GUCY1A2: variants seen among roughly 807,000 people sequenced by gnomAD.
GUCY1A2 encodes the protein guanylate cyclase soluble subunit alpha-2.
A neutral mutation model predicts 63.5 loss-of-function variants in GUCY1A2; 27 were observed. The observed-to-expected ratio is 0.43, with a 90% CI of 0.31 to 0.59. The LOEUF (loss-of-function observed/expected upper bound fraction) is 0.59. Among genes scored for constraint, GUCY1A2 ranks in the 20% least tolerant of loss-of-function variants. The pLI is 0.11. For missense variants in GUCY1A2, 768 were observed against 913.3 expected, an observed-to-expected ratio of 0.84 and a Z score of 2.05; for synonymous variants, 364 against 343.5, an observed-to-expected ratio of 1.06 and a Z score of -0.66.
chr11:106,852,105 T>C (rs2135451239), intron 4 of GUCY1A2, among the ~76,000 whole-genome samples: 1 of 152,114 alleles, frequency 6.6e-6, no homozygotes, highest in South Asian at 2.1e-4. Flanking sequence ...TTTGTAGCTA[T>C]TGTAAATGGC....
intron 4 of GUCY1A2, among the ~76,000 whole-genome samples, chr11:106,930,430 T>C (rs1162259996): frequency 2.6e-5 from 4 of 152,214 alleles, no homozygotes; most frequent in Non-Finnish European, 5.9e-5. Context: ...CTTCAAGCCA[T>C]TCTACAGAGA....
At chr11:106,953,930 TGGTC>T (rs2120034684) in intron 3 of GUCY1A2, among the ~76,000 whole-genome samples, 1 of 152,234 alleles carries the variant, frequency 6.6e-6, no homozygotes, top group Admixed American at 6.5e-5. Flanking sequence ...GTCTAGCTAT[TGGTC>T]TATCTATTTT....
At chr11:106,697,184 T>C (rs10502075) in intron 7 of GUCY1A2, among the ~76,000 whole-genome samples, 14,184 of 152,288 alleles carry the variant, frequency 0.093, 895 homozygotes, top group Non-Finnish European at 0.14. Context: ...TCATGTTGGC[T>C]AATATCACAA....
intron 6 of GUCY1A2, among the ~76,000 whole-genome samples, chr11:106,746,242 G>A (rs1289372510): frequency 1.3e-5 from 2 of 151,992 alleles, no homozygotes; most frequent in African/African-American, 4.8e-5. Flanking sequence ...TTTTGGTTCT[G>A]CCATATATTA....
intron 1 of GUCY1A2, among the ~76,000 whole-genome samples, chr11:107,006,965 T>G (rs1306540462): frequency 6.6e-6 from 1 of 152,204 alleles, no homozygotes; most frequent in East Asian, 1.9e-4. Flanking sequence ...TCTACCTTTT[T>G]AAGAAGGAAA....
At chr11:106,902,925 C>G (rs561999952) in intron 4 of GUCY1A2, among the ~76,000 whole-genome samples, 45 of 152,230 alleles carry the variant, frequency 3.0e-4, no homozygotes, top group Non-Finnish European at 5.6e-4. Context: ...TTTTGGCACC[C>G]ATGGGAGGCC....
In GUCY1A2 at chr11:106,827,481, C is replaced by T. The variant is rs1270375920; in HGVS notation, c.1207-17003G>A. On this transcript the variant is annotated intron_variant, in intron 4 of 7. Transcript: ENST00000526355. ...CTTTAGTAAGCTGTTTCTGAAATTC[C>T]TGAGCACTGTCTGTATCACGGATTC... 3.4e-6 allele frequency: 5 copies of T among 1,468,498 alleles called. No individual in the cohort carries two copies. In the Admixed American group the frequency reaches 5.0e-5, roughly 15 times the overall value. 91.0% of individuals were successfully genotyped at this position (1,468,498 alleles called of 1,614,324 possible). A position where few individuals can be genotyped will look rare whatever the true frequency, so the allele number is the denominator to read the frequency against.
At chr11:106,845,754 G>A (rs774733216) in intron 4 of GUCY1A2, among the ~76,000 whole-genome samples, 5 of 151,482 alleles carry the variant, frequency 3.3e-5, no homozygotes, top group African/African-American at 4.8e-5. Context: ...TTGCCAACAC[G>A]AATACAATTG....
At chr11:106,994,857 T>C (rs1182682939) in intron 1 of GUCY1A2, among the ~76,000 whole-genome samples, 1 of 152,206 alleles carries the variant, frequency 6.6e-6, no homozygotes, top group Admixed American at 6.5e-5. Context: ...AATGAGATTG[T>C]TGTTTTCCCA....
intron 1 of GUCY1A2, among the ~76,000 whole-genome samples, chr11:107,010,401 G>C (rs1861726463): frequency 6.6e-6 from 1 of 152,120 alleles, no homozygotes; most frequent in Admixed American, 6.6e-5. Context: ...GAAAATATAA[G>C]CAATCCAGAC....
chr11:106,675,600 C>G lies in GUCY1A2; in HGVS notation c.*11949G>C, dbSNP rs1047838077. 5.3e-6 allele frequency: 1 copy of G among 189,788 alleles called. No individual in the cohort carries two copies. Among genetic ancestry groups the G allele is most frequent in the Admixed American group, 6.2e-5 (1 of 16,210 alleles). 11.8% of individuals were successfully genotyped at this position (189,788 alleles called of 1,614,324 possible). ...CTTAATTTCTTCTATTTTTCTCAACCATATTTCTTCTATTTTTACAATCAT... is the reference window on the plus strand; with the variant it reads ...CTTAATTTCTTCTATTTTTCTCAACGATATTTCTTCTATTTTTACAATCAT... On this transcript the variant is annotated 3_prime_UTR_variant, in exon 8 of 8. Transcript: ENST00000526355.
chr11:106,849,688 C>G (rs1330093291), intron 4 of GUCY1A2, among the ~76,000 whole-genome samples: 1 of 150,880 alleles, frequency 6.6e-6, no homozygotes, highest in Non-Finnish European at 1.5e-5. Context: ...AAGGTAACCC[C>G]CATTTAAGAC....
chr11:106,850,118 C>T (rs1859332074), intron 4 of GUCY1A2, among the ~76,000 whole-genome samples: 1 of 151,694 alleles, frequency 6.6e-6, no homozygotes, highest in East Asian at 1.9e-4. Context: ...TCTGATGTTT[C>T]ATATAAATGG....
rs1388547746 is a variant in GUCY1A2, at chr11:106,678,969, ACT to A, written c.*8578_*8579del. ...TTAAGTGTTATCATCAGAGGATAAA[ACT>A]CTAAGGAACCTAGAAACAACATTAA... On this transcript the variant is annotated 3_prime_UTR_variant, in exon 8 of 8. Coordinates refer to ENST00000526355, the MANE Select transcript of GUCY1A2 (RefSeq NM_000855.3). The A allele has an allele frequency of 1.1e-5, 2 of 189,294 alleles. No individual in the cohort carries two copies. Among genetic ancestry groups the A allele is most frequent in the Non-Finnish European group, 2.2e-5 (2 of 90,008 alleles). The allele number at this position is 189,294 out of a possible 1,614,324, so 11.7% of individuals were successfully genotyped here.
At chr11:106,827,927 C>T (rs545756192) in intron 4 of GUCY1A2, 11 of 1,269,248 alleles carry the variant, frequency 8.7e-6, no homozygotes, top group Admixed American at 3.8e-5. Context: ...AATATCGCGG[C>T]GGAACAGCGA....
At chr11:106,894,461 T>C (rs1021714284) in intron 4 of GUCY1A2, among the ~76,000 whole-genome samples, 1 of 152,108 alleles carries the variant, frequency 6.6e-6, no homozygotes, top group East Asian at 1.9e-4. Flanking sequence ...ATAATGCATA[T>C]CTAAAGGCTA....
At chr11:106,979,152 C>A (rs1437709040) in intron 2 of GUCY1A2, among the ~76,000 whole-genome samples, 3 of 152,168 alleles carry the variant, frequency 2.0e-5, no homozygotes, top group Non-Finnish European at 4.4e-5. Flanking sequence ...ACTTTTGTCA[C>A]AGTCAAGAAG....
At chr11:106,849,167 C>T (rs1236830391) in intron 4 of GUCY1A2, among the ~76,000 whole-genome samples, 1 of 151,418 alleles carries the variant, frequency 6.6e-6, no homozygotes, top group African/African-American at 2.4e-5. Context: ...AATGTTCAAC[C>T]CCTTCTCTCT....
intron 4 of GUCY1A2, chr11:106,936,519 T>C: frequency 1.9e-6 from 1 of 540,166 alleles, no homozygotes; most frequent in Non-Finnish European, 3.3e-6. Flanking sequence ...ACGAATACTA[T>C]AATGAGGAAA....
Sources: allele counts gnomAD v4.1 joint callset (sites outside exome capture counted in the v4.1 genomes callset), GRCh38; gene constraint gnomAD v4.1.1; transcripts MANE v1.5; gene names NCBI Gene and HGNC (gene_info 2026-07-23, HGNC 2026-07-21).